Variants in SELP observed in about 807,000 individuals in gnomAD.
SELP encodes the protein selectin P.
A neutral mutation model predicts 104.1 loss-of-function variants in SELP; 92 were observed. The ratio of observed to expected loss-of-function variants is 0.88; its 90% CI spans 0.75 to 1.05. The LOEUF is 1.05. Ranked by LOEUF, SELP falls within the 50% of genes least tolerant of loss-of-function variation. SELP has a pLI of 0.00. For synonymous variants in SELP, 397 were observed against 364.5 expected (o/e 1.09, Z -1.01); for missense variants, 1,022 against 1,017.3 (o/e 1.00, Z -0.06).
intron 1 of SELP, among the ~76,000 whole-genome samples, chr1:169,628,834 T>A (rs1349809674): frequency 1.3e-5 from 2 of 152,196 alleles, no homozygotes; most frequent in Admixed American, 6.5e-5. Context: ...GTAATTCATA[T>A]CCTTAGGTCA....
intron 9 of SELP, among the ~76,000 whole-genome samples, chr1:169,606,086 T>C (rs931649542): frequency 2.0e-5 from 3 of 152,004 alleles, no homozygotes; most frequent in Admixed American, 2.0e-4. Context: ...GGAGGCCGAG[T>C]CAGGCAGATC....
chr1:169,601,948 A>G (rs1265960881), intron 10 of SELP, among the ~76,000 whole-genome samples: 1 of 152,220 alleles, frequency 6.6e-6, no homozygotes, highest in Non-Finnish European at 1.5e-5. Flanking sequence ...CATTAGAACA[A>G]TAGCACCTTT....
At chr1:169,611,069 C>A (rs1662507271) in intron 7 of SELP, among the ~76,000 whole-genome samples, 1 of 152,072 alleles carries the variant, frequency 6.6e-6, no homozygotes, top group Non-Finnish European at 1.5e-5. Context: ...ATGTAATTGC[C>A]TGGGATTGCA....
At chr1:169,629,014 C>G (rs1414267526) in intron 1 of SELP, among the ~76,000 whole-genome samples, 1 of 152,166 alleles carries the variant, frequency 6.6e-6, no homozygotes, top group Non-Finnish European at 1.5e-5. Context: ...TTTCTGGAGT[C>G]CCACAGAAAG....
chr1:169,613,934 T>C (rs1262892517), intron 3 of SELP, among the ~76,000 whole-genome samples: 5 of 152,206 alleles, frequency 3.3e-5, no homozygotes. Flanking sequence ...GAGGGTATTG[T>C]TGTGTGTGGA....
chr1:169,597,121 G>C lies in SELP; in HGVS notation c.1761C>G (p.Asp587Glu). The part of the protein sequence containing the change: ...APEQGSLDCS[D>E]TRGEFNVGST... ...AGCCAACATTGAATTCTCCACGAGT[G>C]TCAGAACAATCCAGGCTGCCCTGCT... The change falls in exon 11 of 17, where the codon GAC becomes GAG. Residue 587 changes from aspartate to glutamate, a missense_variant. Asp to Glu is a conservative substitution (Grantham distance 45). Coordinates refer to ENST00000263686, the MANE Select transcript of SELP (RefSeq NM_003005.4). 1 of 1,612,576 alleles carries C rather than the reference G, an allele frequency of 6.2e-7. No individual in the cohort carries two copies. The highest frequency in any genetic ancestry group is 8.5e-7 in the Non-Finnish European group (1 of 1,179,224).
intron 1 of SELP, among the ~76,000 whole-genome samples, chr1:169,621,865 C>T (rs982519517): frequency 2.0e-5 from 3 of 152,176 alleles, no homozygotes; most frequent in Non-Finnish European, 4.4e-5. Context: ...ACTGCTTTCT[C>T]TGAATTGTGT....
intron 10 of SELP, among the ~76,000 whole-genome samples, chr1:169,598,293 T>C (rs1661731867): frequency 6.6e-6 from 1 of 152,228 alleles, no homozygotes; most frequent in Admixed American, 6.5e-5. Flanking sequence ...TCTTTAAATC[T>C]AAGGCTATTC....
At chr1:169,622,824 T>C (rs1663204281) in intron 1 of SELP, among the ~76,000 whole-genome samples, 1 of 152,188 alleles carries the variant, frequency 6.6e-6, no homozygotes, top group Non-Finnish European at 1.5e-5. Flanking sequence ...GGGATAGAAA[T>C]AACTATTCAA....
At chr1:169,594,933 T>TTA (rs1661529943) in intron 12 of SELP, 56 bp from the exon 13 acceptor site, 2 of 1,484,614 alleles carry the variant, frequency 1.3e-6, no homozygotes, top group African/African-American at 2.8e-5. Flanking sequence ...GTGAAAGAGA[T>TTA]TATAGTTTCT....
chr1:169,626,698 T>C lies in SELP; in HGVS notation c.3+3374A>G, dbSNP rs1015660873. ...CATGCACTTAATGGTGGTATGATTT[T>C]TTTTGTGGGGCTGGGGGACAGGGTC... is the stretch of plus-strand genomic sequence containing the variant. On this transcript the variant is annotated intron_variant, in intron 1 of 16. Transcript: ENST00000263686. 7.2e-5 allele frequency among the ~76,000 whole-genome samples: 11 copies of C among 152,276 alleles called. No homozygotes were observed. The South Asian group carries it at 8.3e-4, about 11-fold the overall frequency.
intron 3 of SELP, among the ~76,000 whole-genome samples, chr1:169,614,438 G>T (rs1006328442): frequency 6.6e-6 from 1 of 152,166 alleles, no homozygotes; most frequent in African/African-American, 2.4e-5. Flanking sequence ...AAGGGCCATG[G>T]TTTCTTTCCT....
At chr1:169,594,902 G>T in intron 12 of SELP, 25 bp from the exon 13 acceptor site, 5 of 1,595,220 alleles carry the variant, frequency 3.1e-6, no homozygotes, top group Non-Finnish European at 2.6e-6. Context: ...TAATGCAAGA[G>T]AAACAACATG....
At chr1:169,621,722 G>T (rs1273942188) in intron 1 of SELP, among the ~76,000 whole-genome samples, 2 of 152,164 alleles carry the variant, frequency 1.3e-5, no homozygotes, top group African/African-American at 4.8e-5. Context: ...GGCATATTTT[G>T]TGTTCTTATA....
intron 10 of SELP, among the ~76,000 whole-genome samples, chr1:169,600,062 G>A (rs1346971592): frequency 3.3e-5 from 5 of 152,256 alleles, no homozygotes; most frequent in Admixed American, 2.0e-4. Context: ...TCATGCAGGT[G>A]GCATCATCAA....
intron 13 of SELP, among the ~76,000 whole-genome samples, chr1:169,594,258 A>T (rs111863460): frequency 2.0e-5 from 3 of 152,184 alleles, no homozygotes; most frequent in African/African-American, 7.2e-5. Context: ...TGAGGGGAAA[A>T]AATAGGGGGC....
rs1662533040 is a variant in SELP at position 169,611,555 on chromosome 1, C to T, written c.1084G>A (p.Gly362Ser). 1 of 1,613,956 alleles carries T rather than the reference C, an allele frequency of 6.2e-7. No individual in the cohort carries two copies. Reference sequence around the variant, plus strand: ...TCAATGCAGCGGAGCATGTCCAAGCCCCTCACTCTGTAGCCGGGCTGGCAC... The same window carrying T: ...TCAATGCAGCGGAGCATGTCCAAGCTCCTCACTCTGTAGCCGGGCTGGCAC... ...FECQPGYRVR[G>S]LDMLRCIDSG... is the part of the protein sequence containing the mutation. The change falls in exon 7 of 17, where the codon GGC (glycine) becomes AGC (serine). Residue 362 changes from glycine to serine, a missense_variant. Coordinates refer to ENST00000263686, the MANE Select transcript of SELP (RefSeq NM_003005.4).
Position 169,596,042 on chromosome 1 carries a change from A to T in SELP, c.1984T>A (p.Phe662Ile), listed in dbSNP as rs760815474. Residue 662 changes from phenylalanine to isoleucine, a missense_variant, in exon 12 of 17, where the codon TTT (phenylalanine) becomes ATT (isoleucine). Transcript: ENST00000263686. Reference protein sequence around the residue: ...TMYCRHHPGTFGFNTTCYFGC... With the variant: ...TMYCRHHPGTIGFNTTCYFGC... ...AAGTAACAAGTGGTATTAAAACCAA[A>T]GGTTCCCGGATGATGCCTACAGTAC... 1 of 1,613,964 alleles carries T rather than the reference A, an allele frequency of 6.2e-7. No individual in the cohort carries two copies. The highest frequency in any genetic ancestry group is 2.2e-5 in the East Asian group (1 of 44,886).
At position 169,617,200 on chromosome 1, in the gene SELP, C is replaced by A. The variant is rs1486403985; in HGVS notation, c.309G>T (p.Trp103Cys). 6.8e-6 allele frequency: 11 copies of A among 1,613,940 alleles called. No homozygotes were observed. Among genetic ancestry groups the A allele is most frequent in the Non-Finnish European group, 9.3e-6 (11 of 1,180,012 alleles). Residue 103 changes from tryptophan to cysteine, a missense_variant, in exon 3 of 17, where the codon TGG becomes TGT. Trp to Cys is a radical substitution (Grantham distance 215). Coordinates refer to ENST00000263686, the MANE Select transcript of SELP (RefSeq NM_003005.4). ...TGGTGAGAGCCTTTTTGGTTCCCAC[C>A]CATGTCCATGTCTTATTGTTCTTTC... ...GIRKNNKTWT[W>C]VGTKKALTNE...
Sources: allele counts gnomAD v4.1 joint callset (sites outside exome capture counted in the v4.1 genomes callset), GRCh38; gene constraint gnomAD v4.1.1; transcripts MANE v1.5; gene names NCBI Gene and HGNC (gene_info 2026-07-23, HGNC 2026-07-21).